MYO9A: variants seen among roughly 807,000 people sequenced by gnomAD.
MYO9A encodes the protein myosin IXA.
A neutral mutation model predicts 293.3 loss-of-function variants in MYO9A; 103 were observed. The observed-to-expected ratio is 0.35, with a 90% CI of 0.30 to 0.41. MYO9A has a LOEUF of 0.41. Among genes scored for constraint, MYO9A ranks in the 10% least tolerant of loss-of-function variants. MYO9A has a pLI of 1.00. For missense variants in MYO9A, 2,685 were observed against 3,033.0 expected (o/e 0.89, Z 2.69); for synonymous variants, 1,001 against 1,035.7 (o/e 0.97, Z 0.64).
chr15:71,920,787 GA>G (rs1024023898), intron 18 of MYO9A, among the ~76,000 whole-genome samples: 148 of 146,030 alleles, frequency 1.0e-3, no homozygotes, highest in Non-Finnish European at 1.7e-3. Context: ...GTCTCTAGTG[GA>G]AAAAAAAAAA....
At chr15:71,980,474 G>GA (rs1299583188) in intron 11 of MYO9A, among the ~76,000 whole-genome samples, 3 of 152,044 alleles carry the variant, frequency 2.0e-5, no homozygotes, top group Non-Finnish European at 4.4e-5. Flanking sequence ...GAATAACAAA[G>GA]AAAAAACATT....
At chr15:71,970,668 C>T (rs1386943137) in intron 12 of MYO9A, among the ~76,000 whole-genome samples, 1 of 152,078 alleles carries the variant, frequency 6.6e-6, no homozygotes, top group Non-Finnish European at 1.5e-5. Context: ...TTATTCAGTC[C>T]AGTATCCTAC....
At chr15:71,988,593 T>C (rs1021107585) in intron 11 of MYO9A, among the ~76,000 whole-genome samples, 18 of 152,162 alleles carry the variant, frequency 1.2e-4, no homozygotes, top group African/African-American at 4.1e-4. Flanking sequence ...TTAAGCAAAA[T>C]AGAGGCACTT....
chr15:71,899,137 T>C (rs1289699055), intron 24 of MYO9A, 105 bp from the exon 25 acceptor site: 16 of 1,037,246 alleles, frequency 1.5e-5, no homozygotes, highest in Non-Finnish European at 2.1e-5. Context: ...TAAAATCTTT[T>C]TATAATACCT....
intron 19 of MYO9A, among the ~76,000 whole-genome samples, chr15:71,906,969 T>C (rs1352120183): frequency 6.7e-6 from 1 of 149,250 alleles, no homozygotes; most frequent in African/African-American, 2.5e-5. Context: ...ATACTTTAAG[T>C]GTTAGGGTAC....
intron 18 of MYO9A, among the ~76,000 whole-genome samples, chr15:71,920,290 T>G (rs553880359): frequency 6.6e-6 from 1 of 152,340 alleles, no homozygotes; most frequent in South Asian, 2.1e-4. Context: ...GAGATATTGC[T>G]TGAATATAGT....
intron 32 of MYO9A, among the ~76,000 whole-genome samples, chr15:71,868,060 G>A (rs8032231): frequency 0.024 from 3,720 of 152,250 alleles, 144 homozygotes; most frequent in African/African-American, 0.084. Flanking sequence ...GAAGTCTGAC[G>A]CTTCTCAGAG....
chr15:72,027,672 A>AGTCAGTCTGC (rs1443007701), intron 4 of MYO9A, 59 bp downstream of exon 4: 5 of 1,313,734 alleles, frequency 3.8e-6, no homozygotes, highest in Admixed American at 4.1e-5. Flanking sequence ...AGACCTTAAA[A>AGTCAGTCTGC]GTCAGTCTGC....
intron 15 of MYO9A, among the ~76,000 whole-genome samples, chr15:71,944,875 C>G (rs998970130): frequency 6.6e-6 from 1 of 152,106 alleles, no homozygotes; most frequent in African/African-American, 2.4e-5. Flanking sequence ...AAAAAATCTG[C>G]TATTATACTT....
chr15:72,014,289 C>T (rs2077258274), intron 6 of MYO9A, among the ~76,000 whole-genome samples: 1 of 152,192 alleles, frequency 6.6e-6, no homozygotes, highest in South Asian at 2.1e-4. Flanking sequence ...AAGTGATCTC[C>T]AGCATCTTTA....
intron 18 of MYO9A, among the ~76,000 whole-genome samples, chr15:71,922,886 G>C (rs1049735622): frequency 6.7e-6 from 1 of 149,760 alleles, no homozygotes; most frequent in Non-Finnish European, 1.5e-5. Context: ...TCTTTCTCTT[G>C]CTTACTTGCT....
At chr15:71,902,022 G>GT (rs1226921175) in intron 22 of MYO9A, among the ~76,000 whole-genome samples, 1 of 152,048 alleles carries the variant, frequency 6.6e-6, no homozygotes, top group African/African-American at 2.4e-5. Context: ...GGCTGCAAAG[G>GT]TGAAGGAGAC....
chr15:71,860,151 C>T (rs914685265), intron 33 of MYO9A, among the ~76,000 whole-genome samples: 3 of 152,148 alleles, frequency 2.0e-5, no homozygotes, highest in Non-Finnish European at 2.9e-5. Context: ...TGTTCTACCA[C>T]ATATATGCTC....
At position 71,951,907 on chromosome 15, in the gene MYO9A, A is replaced by C; in HGVS notation, c.2183-11T>G. On this transcript the variant is annotated splice_polypyrimidine_tract_variant and intron_variant, in intron 14 of 41. Coordinates refer to ENST00000356056, the MANE Select transcript of MYO9A (RefSeq NM_006901.4). ...CTGTATCATCATGTCCTTAGGAAGCAAAAAAAAACAAACAAAAAAAAAAGG... is the reference window on the plus strand; with the variant it reads ...CTGTATCATCATGTCCTTAGGAAGCCAAAAAAAACAAACAAAAAAAAAAGG... The C allele has an allele frequency of 6.5e-7, 1 of 1,544,670 alleles. No homozygotes were observed. The highest frequency in any genetic ancestry group is 8.7e-7 in the Non-Finnish European group (1 of 1,152,644).
chr15:72,041,154 A>T, intron 2 of MYO9A: 1 of 825,948 alleles, frequency 1.2e-6, no homozygotes, highest in Non-Finnish European at 2.0e-6. Context: ...CTGAGGTGGG[A>T]GAATTGCTTA....
At position 71,899,553 on chromosome 15, in the gene MYO9A, G is replaced by A. The variant is rs1243929918; in HGVS notation, c.3470+134C>T. On this transcript the variant is annotated intron_variant, in intron 24 of 41. Coordinates refer to ENST00000356056, the MANE Select transcript of MYO9A (RefSeq NM_006901.4). Reference sequence around the variant, plus strand: ...GACAATACAATGTGGGTTAAAATCGGTATCACAGTATAGTGGAAAAGACAA... The same window carrying A: ...GACAATACAATGTGGGTTAAAATCGATATCACAGTATAGTGGAAAAGACAA... 5 of 724,530 alleles carry A rather than the reference G, an allele frequency of 6.9e-6. No individual in the cohort carries two copies. In the African/African-American group the frequency reaches 8.9e-5, roughly 13 times the overall value. The allele number at this position is 724,530 out of a possible 1,614,324, so 44.9% of individuals were successfully genotyped here.
At chr15:71,880,594 T>G in intron 28 of MYO9A, 36 bp from the exon 29 acceptor site, 1 of 1,526,000 alleles carries the variant, frequency 6.6e-7, no homozygotes, top group Non-Finnish European at 9.0e-7. Flanking sequence ...AAGGACACAT[T>G]TAGTAAATAT....
chr15:72,015,683 GTTTTTT>G (rs10708457), intron 6 of MYO9A, among the ~76,000 whole-genome samples: 1 of 113,468 alleles, frequency 8.8e-6, no homozygotes, highest in Non-Finnish European at 1.7e-5. Context: ...CTCAGATCAG[GTTTTTT>G]TTTTTTTTTT....
chr15:72,090,643 AT>A (rs1239376661), intron 1 of MYO9A, among the ~76,000 whole-genome samples: 3 of 152,220 alleles, frequency 2.0e-5, no homozygotes, highest in Admixed American at 6.5e-5. Flanking sequence ...TCCATTAACC[AT>A]TTAAAGACTC....
Sources: gnomAD v4.1 joint callset for allele counts (sites outside exome capture counted in the v4.1 genomes callset) on GRCh38, gnomAD v4.1.1 for gene constraint, MANE v1.5 for transcripts, NCBI Gene and HGNC (gene_info 2026-07-23, HGNC 2026-07-21) for gene names.